TMEM87B: variants seen among roughly 807,000 people sequenced by gnomAD.
The protein encoded by TMEM87B is transmembrane protein 87B.
Under a neutral mutation model 80.3 loss-of-function variants are expected in TMEM87B, and 83 were observed. That is an observed-to-expected ratio of 1.03 (90% confidence interval 0.87 to 1.24). The LOEUF is 1.24. TMEM87B is among the 50% of genes most tolerant of loss of function. TMEM87B has a pLI of 0.00. For synonymous variants in TMEM87B, 219 were observed against 230.5 expected, an observed-to-expected ratio of 0.95 and a Z score of 0.45; for missense variants, 625 against 674.4, an observed-to-expected ratio of 0.93 and a Z score of 0.81.
intron 11 of TMEM87B, among the ~76,000 whole-genome samples, chr2:112,092,642 C>T (rs1230549641): frequency 1.3e-5 from 2 of 152,126 alleles, no homozygotes; most frequent in East Asian, 1.9e-4. Context: ...GAAGAACCCA[C>T]GTGATAGACT....
chr2:112,115,989 C>G (rs1680012375), intron 18 of TMEM87B, 95 bp from the exon 19 acceptor site: 1 of 857,772 alleles, frequency 1.2e-6, no homozygotes, highest in African/African-American at 1.7e-5. Flanking sequence ...TATTTAGTTT[C>G]CCTAAATGTG....
At chr2:112,076,392 T>C (rs2104470067) in intron 5 of TMEM87B, among the ~76,000 whole-genome samples, 2 of 152,328 alleles carry the variant, frequency 1.3e-5, no homozygotes, top group Middle Eastern at 3.4e-3. Context: ...TAGGCTGGTG[T>C]GCAGTGGTGT....
chr2:112,089,508 C>A, intron 9 of TMEM87B, 117 bp from the exon 10 acceptor site: 1 of 880,470 alleles, frequency 1.1e-6, no homozygotes, highest in Non-Finnish European at 1.8e-6. Flanking sequence ...CGGGAACAGA[C>A]TGATGTGATT....
intron 2 of TMEM87B, among the ~76,000 whole-genome samples, chr2:112,060,334 G>A (rs1451741676): frequency 7.3e-6 from 1 of 137,248 alleles, no homozygotes. Context: ...GGGCGACACA[G>A]TGAGACTCTG....
At chr2:112,073,848 G>T (rs565406872) in intron 4 of TMEM87B, among the ~76,000 whole-genome samples, 1 of 152,258 alleles carries the variant, frequency 6.6e-6, no homozygotes, top group Admixed American at 6.5e-5. Flanking sequence ...ATTACATAAT[G>T]CCCTTCTGTG....
At chr2:112,112,954 C>T (rs757032782) in intron 18 of TMEM87B, 25 bp downstream of exon 18, 16 of 1,601,460 alleles carry the variant, frequency 1.0e-5, no homozygotes, top group Admixed American at 5.1e-5. Context: ...TGCATATTTC[C>T]TTGGAGCTGA....
At position 112,107,805 on chromosome 2, in the gene TMEM87B, G is replaced by A. The variant is rs1004518539; in HGVS notation, c.1542G>A (p.Trp514Ter). The A allele has an allele frequency of 6.3e-7, 1 of 1,578,736 alleles. No individual in the cohort carries two copies. The highest frequency in any genetic ancestry group is 2.3e-5 in the East Asian group (1 of 44,186). ...TSENFDEDLK[W>*]VEENIPSSFT... ...TTCTACAGGATGAAGATTTGAAGTGGGTAGAAGAAAATATTCCCTCTTCAT... is the reference window on the plus strand; with the variant it reads ...TTCTACAGGATGAAGATTTGAAGTGAGTAGAAGAAAATATTCCCTCTTCAT... Residue 514 changes from tryptophan to a stop codon, truncating the protein, a stop_gained, in exon 17 of 19, where the codon TGG becomes TGA. Coordinates refer to ENST00000283206, the MANE Select transcript of TMEM87B (RefSeq NM_032824.3). LOFTEE classifies it high-confidence loss of function.
At chr2:112,057,407 C>T (rs1048815235) in intron 1 of TMEM87B, among the ~76,000 whole-genome samples, 4 of 152,128 alleles carry the variant, frequency 2.6e-5, no homozygotes, top group Non-Finnish European at 5.9e-5. Context: ...TCCTGCGTAG[C>T]GAAGACTATA....
Position 112,081,403 on chromosome 2 carries a change from T to C in TMEM87B, c.723T>C (p.Tyr241=), listed in dbSNP as rs547335564. 3 of 1,613,964 alleles carry C rather than the reference T, an allele frequency of 1.9e-6. No homozygotes were observed. The highest frequency in any genetic ancestry group is 3.3e-5 in the Admixed American group (2 of 59,986). The change falls in exon 8 of 19, where the codon TAT becomes TAC. Residue 241 remains tyrosine (Y), a synonymous_variant. Coordinates refer to ENST00000283206, the MANE Select transcript of TMEM87B (RefSeq NM_032824.3). ...GILWLTWSAC[Y]WKDILRIQFW... ...TCTGGCTGACGTGGTCTGCCTGTTA[T>C]TGGAAAGATATATTAAGAATCCAGT...
intron 14 of TMEM87B, 65 bp downstream of exon 14, chr2:112,098,763 C>A: frequency 1.4e-6 from 2 of 1,467,314 alleles, no homozygotes; most frequent in Admixed American, 1.7e-5. Flanking sequence ...GTGTCAAGAA[C>A]ACGTTTATAG....
chr2:112,065,643 C>CAA (rs58619427), intron 3 of TMEM87B, among the ~76,000 whole-genome samples: 4,302 of 75,256 alleles, frequency 0.057, 94 homozygotes, highest in African/African-American at 0.085. Flanking sequence ...ACCTTGTCTT[C>CAA]AAAAAAAAAA....
Position 112,055,533 on chromosome 2 carries a change from T to G in TMEM87B, c.-59T>G, listed in dbSNP as rs945517011. ...CGGACCCGCCTGCCTGGGGCGGTGC[T>G]GCACCAGGTGCGGGTGTGGCAGGCG... On this transcript the variant is annotated 5_prime_UTR_variant, in exon 1 of 19. Coordinates refer to ENST00000283206, the MANE Select transcript of TMEM87B (RefSeq NM_032824.3). 25 of 1,443,332 alleles carry G rather than the reference T, an allele frequency of 1.7e-5. No homozygotes were observed. The highest frequency in any genetic ancestry group is 2.2e-5 in the Non-Finnish European group (24 of 1,101,460). The allele number at this position is 1,443,332 out of a possible 1,614,324, so 89.4% of individuals were successfully genotyped here.
intron 1 of TMEM87B, 51 bp from the exon 2 acceptor site, chr2:112,059,926 T>TGCAA: frequency 6.3e-7 from 1 of 1,576,520 alleles, no homozygotes; most frequent in East Asian, 2.3e-5. Context: ...GTAAAACAGT[T>TGCAA]GCAAAAAAAA....
At chr2:112,096,369 C>T (rs1679469158) in intron 11 of TMEM87B, among the ~76,000 whole-genome samples, 1 of 152,142 alleles carries the variant, frequency 6.6e-6, no homozygotes, top group South Asian at 2.1e-4. Context: ...CTCCCCACAC[C>T]TACTGCTTTT....
At chr2:112,076,712 A>G (rs528664653) in intron 5 of TMEM87B, among the ~76,000 whole-genome samples, 1 of 152,328 alleles carries the variant, frequency 6.6e-6, no homozygotes, top group African/African-American at 2.4e-5. Context: ...CTGTAAAAAT[A>G]TAAAAGATAG....
intron 3 of TMEM87B, among the ~76,000 whole-genome samples, chr2:112,065,952 C>T (rs1171737426): frequency 6.6e-6 from 1 of 152,094 alleles, no homozygotes; most frequent in Non-Finnish European, 1.5e-5. Flanking sequence ...GCAGGAATAC[C>T]ACAGAATACT....
intron 8 of TMEM87B, among the ~76,000 whole-genome samples, chr2:112,082,466 C>T (rs925634293): frequency 2.6e-5 from 4 of 152,026 alleles, no homozygotes; most frequent in South Asian, 2.1e-4. Context: ...ACAAATTTGG[C>T]GTAACGTTGC....
Position 112,090,042 on chromosome 2 carries a change from C to T in TMEM87B, c.1032+324C>T, listed in dbSNP as rs576437128. On this transcript the variant is annotated intron_variant, in intron 10 of 18. Coordinates refer to ENST00000283206, the MANE Select transcript of TMEM87B (RefSeq NM_032824.3). ...GCAGCTGGTATACCTTAATATCATT[C>T]TTAACCCTGGATTTTAAAATGTATC... Among the ~76,000 whole-genome samples the T allele has an allele frequency of 5.9e-4, 90 of 152,330 alleles. 1 individual carries two copies. The South Asian group carries it at 0.011, about 19-fold the overall frequency.
rs755330247 is a variant in TMEM87B at position 112,064,148 on chromosome 2, C to CT, written c.227-9dup. On this transcript the variant is annotated splice_polypyrimidine_tract_variant and intron_variant, in intron 2 of 18. Transcript: ENST00000283206. The stretch of plus-strand genomic sequence containing the variant: ...TATTATTCATGTAAAACAAGACTTT[C>CT]TTTTTCTAAACAGTTAAGTCATTCC... 2.5e-6 allele frequency: 4 copies of CT among 1,608,804 alleles called. No individual in the cohort carries two copies. The highest frequency in any genetic ancestry group is 2.5e-6 in the Non-Finnish European group (3 of 1,177,380).
Sources: allele counts gnomAD v4.1 joint callset (sites outside exome capture counted in the v4.1 genomes callset), GRCh38; gene constraint gnomAD v4.1.1; transcripts MANE v1.5; gene names NCBI Gene and HGNC (gene_info 2026-07-23, HGNC 2026-07-21).